Variants in PINX1 observed in about 807,000 individuals in gnomAD.
The protein encoded by PINX1 is PIN2 (TERF1) interacting telomerase inhibitor 1.
In PINX1, 34 loss-of-function variants were observed where a neutral mutation model predicts 25.4. The observed-to-expected ratio is 1.34, with a 90% CI of 1.02 to 1.78. The LOEUF (loss-of-function observed/expected upper bound fraction) is 1.78. Among genes scored for constraint, PINX1 ranks in the 40% most tolerant of loss-of-function variants. The probability of loss-of-function intolerance (pLI) is 0.00; values close to 1 mark genes in which losing one functional copy is unlikely to be tolerated. For missense variants in PINX1, 592 were observed against 404.9 expected, an observed-to-expected ratio of 1.46 and a Z score of -3.97; for synonymous variants, 197 against 147.7, an observed-to-expected ratio of 1.33 and a Z score of -2.42.
intron 6 of PINX1, among the ~76,000 whole-genome samples, chr8:10,780,911 GA>G (rs1258386761): frequency 6.6e-6 from 1 of 152,096 alleles, no homozygotes; most frequent in Non-Finnish European, 1.5e-5. Context: ...TTCTGAGAGA[GA>G]AAAACAAAGC....
intron 6 of PINX1, among the ~76,000 whole-genome samples, chr8:10,798,927 T>C (rs11250077): frequency 0.63 from 95,726 of 152,010 alleles, 31,162 homozygotes; most frequent in African/African-American, 0.78. Flanking sequence ...CTGGTGTTAG[T>C]TTTTCAGAAA....
rs753569367 is a variant in PINX1 at position 10,765,198 on chromosome 8, C to T, written c.*203G>A. On this transcript the variant is annotated 3_prime_UTR_variant, in exon 7 of 7. Coordinates refer to ENST00000314787, the MANE Select transcript of PINX1 (RefSeq NM_017884.6). ...AAAATTTATTTGTGTCTGAGAGCCA[C>T]GATTGAGAACATTAAAAAGGTCCTC... The T allele has an allele frequency of 9.2e-6, 5 of 545,354 alleles. No homozygotes were observed. The highest frequency in any genetic ancestry group is 1.6e-5 in the Non-Finnish European group (5 of 313,130). The allele number at this position is 545,354 out of a possible 1,614,324, so 33.8% of individuals were successfully genotyped here. A position where few individuals can be genotyped will look rare whatever the true frequency, so the allele number is the denominator to read the frequency against.
chr8:10,820,641 A>T (rs1200111874), intron 5 of PINX1, among the ~76,000 whole-genome samples: 2 of 152,204 alleles, frequency 1.3e-5, no homozygotes, highest in Non-Finnish European at 2.9e-5. Flanking sequence ...TTTGCTTCAG[A>T]GACATGAGCT....
chr8:10,820,909 G>T (rs1340976671), intron 5 of PINX1, among the ~76,000 whole-genome samples: 1 of 152,182 alleles, frequency 6.6e-6, no homozygotes, highest in Non-Finnish European at 1.5e-5. Context: ...GCTACATAGG[G>T]AGAGTAGGAA....
At chr8:10,832,149 G>C (rs1489292200) in intron 3 of PINX1, among the ~76,000 whole-genome samples, 1 of 152,060 alleles carries the variant, frequency 6.6e-6, no homozygotes. Context: ...TTCTTTGCTT[G>C]GTAGAATTAA....
At chr8:10,835,522 T>A (rs1798377912) in intron 1 of PINX1, among the ~76,000 whole-genome samples, 1 of 152,212 alleles carries the variant, frequency 6.6e-6, no homozygotes, top group Non-Finnish European at 1.5e-5. Flanking sequence ...TCCCTCTCAT[T>A]GAGATGCCCT....
intron 6 of PINX1, among the ~76,000 whole-genome samples, chr8:10,790,032 AC>A (rs778132384): frequency 3.3e-5 from 5 of 152,202 alleles, no homozygotes; most frequent in Non-Finnish European, 7.3e-5. Flanking sequence ...GGATGCTGTC[AC>A]AGCCAAGCGG....
rs148402121 is a variant in PINX1, at chr8:10,828,473, A to G, written c.302-2229T>C. ...GCCTGAACTCACTACAGAGGACGAC[A>G]CTGATAAGGCACACCCAGGAAGCCC... On this transcript the variant is annotated intron_variant, in intron 4 of 6. Coordinates refer to ENST00000314787, the MANE Select transcript of PINX1 (RefSeq NM_017884.6). Among the ~76,000 whole-genome samples, 791 of 152,272 alleles carry G rather than the reference A, an allele frequency of 5.2e-3. 6 individuals are homozygous for G. The highest frequency in any genetic ancestry group is 0.018 in the African/African-American group (739 of 41,554).
chr8:10,832,737 T>C (rs1798259613), intron 3 of PINX1, among the ~76,000 whole-genome samples, 155 bp downstream of exon 3: 1 of 152,186 alleles, frequency 6.6e-6, no homozygotes, highest in Non-Finnish European at 1.5e-5. Context: ...TGAGTTATAG[T>C]GCCATGCATT....
chr8:10,836,127 CCT>C (rs1434691250), intron 1 of PINX1, among the ~76,000 whole-genome samples: 1 of 152,096 alleles, frequency 6.6e-6, no homozygotes, highest in Non-Finnish European at 1.5e-5. Context: ...AACATGACCC[CCT>C]GTCAAAGGGG....
At chr8:10,810,474 G>A (rs1037079029) in intron 6 of PINX1, among the ~76,000 whole-genome samples, 7 of 152,288 alleles carry the variant, frequency 4.6e-5, no homozygotes, top group Admixed American at 3.9e-4. Flanking sequence ...CAGTGAGCAT[G>A]AGCAGCTCCC....
At chr8:10,817,463 G>A (rs980809800) in intron 6 of PINX1, among the ~76,000 whole-genome samples, 14 of 152,088 alleles carry the variant, frequency 9.2e-5, no homozygotes, top group Admixed American at 7.9e-4. Context: ...GGAAGGTACC[G>A]GTATACCTCA....
intron 6 of PINX1, among the ~76,000 whole-genome samples, chr8:10,802,115 T>G (rs545038568): frequency 6.6e-6 from 1 of 151,886 alleles, no homozygotes; most frequent in Admixed American, 6.6e-5. Context: ...AAAAAGGTAG[T>G]TTGGGGGACG....
At chr8:10,789,530 A>C (rs1212500069) in intron 6 of PINX1, among the ~76,000 whole-genome samples, 2 of 152,106 alleles carry the variant, frequency 1.3e-5, no homozygotes, top group Non-Finnish European at 2.9e-5. Flanking sequence ...TCCAGAACTT[A>C]CTCATCTTAG....
chr8:10,782,091 A>G (rs1358379638), intron 6 of PINX1, among the ~76,000 whole-genome samples: 1 of 152,240 alleles, frequency 6.6e-6, no homozygotes, highest in Non-Finnish European at 1.5e-5. Context: ...ACCAGACAGG[A>G]AAGAAAAACA....
intron 6 of PINX1, among the ~76,000 whole-genome samples, chr8:10,782,021 A>G (rs1801601958): frequency 6.6e-6 from 1 of 152,214 alleles, no homozygotes; most frequent in South Asian, 2.1e-4. Context: ...AAAAAGGAGG[A>G]GATCCAGCCA....
intron 6 of PINX1, among the ~76,000 whole-genome samples, chr8:10,782,474 G>A (rs1801616451): frequency 6.6e-6 from 1 of 151,730 alleles, no homozygotes; most frequent in Non-Finnish European, 1.5e-5. Context: ...AGTGGCTCAC[G>A]CCTGTAATCC....
In PINX1 at chr8:10,792,534, C is replaced by A. The variant is rs1014541177; in HGVS notation, c.472-26618G>T. ...AGTCCATGGTTAAGAGCGCCTGGCA[C>A]CCGCCATCACTCAGGAGTGGTTCTG... On this transcript the variant is annotated intron_variant, in intron 6 of 6. Transcript: ENST00000314787. Among the ~76,000 whole-genome samples, 26 of 152,170 alleles carry A rather than the reference C, an allele frequency of 1.7e-4. 1 individual carries two copies. The highest frequency in any genetic ancestry group is 7.2e-4 in the Admixed American group (11 of 15,294).
rs932102803 is a variant in PINX1 at position 10,833,049 on chromosome 8, C to G, written c.130-65G>C. 14 of 991,380 alleles carry G rather than the reference C, an allele frequency of 1.4e-5. 1 individual carries two copies. In the South Asian group the frequency reaches 2.2e-4, roughly 15 times the overall value. 61.4% of individuals were successfully genotyped at this position (991,380 alleles called of 1,614,324 possible). A position where few individuals can be genotyped will look rare whatever the true frequency, so the allele number is the denominator to read the frequency against. ...ACTGATACTCAGAAGCAGAGCACTG[C>G]TACAAAACTCACAGATGCCTACGGC... On this transcript the variant is annotated intron_variant, in intron 2 of 6. Transcript: ENST00000314787.
Sources: allele counts gnomAD v4.1 joint callset (sites outside exome capture counted in the v4.1 genomes callset), GRCh38; gene constraint gnomAD v4.1.1; transcripts MANE v1.5; gene names NCBI Gene and HGNC (gene_info 2026-07-23, HGNC 2026-07-21).